Variants in NFATC3 observed in about 807,000 individuals in gnomAD.
NFATC3 encodes nuclear factor of activated T cells 3, also known as nuclear factor of activated T-cells, cytoplasmic 3.
NFATC3 carries 46 observed loss-of-function variants against 98.6 expected under a neutral mutation model. That is an observed-to-expected ratio of 0.47 (90% CI 0.37 to 0.60). NFATC3 has a LOEUF of 0.60. Ranked by LOEUF, NFATC3 falls within the 20% of genes least tolerant of loss-of-function variation. The pLI is 0.00. For synonymous variants in NFATC3, 512 were observed against 472.2 expected (o/e 1.08, Z -1.09); for missense variants, 1,256 against 1,295.5 (o/e 0.97, Z 0.47).
At chr16:68,174,898 T>A (rs1297250557) in intron 6 of NFATC3, among the ~76,000 whole-genome samples, 1 of 152,054 alleles carries the variant, frequency 6.6e-6, no homozygotes, top group Non-Finnish European at 1.5e-5. Context: ...AAAGTAGAAT[T>A]CCCCCAGCAA....
intron 1 of NFATC3, among the ~76,000 whole-genome samples, chr16:68,095,380 T>C (rs2034965104): frequency 7.7e-6 from 1 of 129,316 alleles, no homozygotes; most frequent in African/African-American, 3.1e-5. Context: ...TGAGACAGAG[T>C]CTCACTCTGT....
intron 1 of NFATC3, among the ~76,000 whole-genome samples, chr16:68,104,242 C>T (rs1311216088): frequency 6.6e-6 from 1 of 152,108 alleles, no homozygotes; most frequent in African/African-American, 2.4e-5. Flanking sequence ...GTAAGTTTTT[C>T]ATGTCCTTGG....
At chr16:68,201,830 T>C (rs1304731054) in intron 9 of NFATC3, among the ~76,000 whole-genome samples, 1 of 118,128 alleles carries the variant, frequency 8.5e-6, no homozygotes, top group Non-Finnish European at 1.9e-5. Flanking sequence ...CGATGGTGCA[T>C]GCCTGTAGTC....
At chr16:68,139,545 A>G (rs2037633453) in intron 3 of NFATC3, among the ~76,000 whole-genome samples, 1 of 152,220 alleles carries the variant, frequency 6.6e-6, no homozygotes, top group Admixed American at 6.5e-5. Context: ...AACATCAGTT[A>G]TAATGATCTT....
At chr16:68,217,680 C>T in intron 9 of NFATC3, 1 of 1,231,462 alleles carries the variant, frequency 8.1e-7, no homozygotes, top group Non-Finnish European at 1.0e-6. Context: ...ATCAAGATTC[C>T]TTTCAATTTG....
intron 4 of NFATC3, among the ~76,000 whole-genome samples, chr16:68,159,803 C>T (rs771054368): frequency 3.9e-5 from 6 of 151,940 alleles, no homozygotes; most frequent in East Asian, 2.0e-4. Context: ...TTCAGCTGGG[C>T]GCAGTGGCTC....
intron 3 of NFATC3, among the ~76,000 whole-genome samples, chr16:68,133,662 T>C (rs2037234199): frequency 6.6e-6 from 1 of 152,202 alleles, no homozygotes; most frequent in African/African-American, 2.4e-5. Flanking sequence ...TTCTTATTTC[T>C]GCATTTTATA....
At chr16:68,179,438 C>T (rs1191340150) in intron 6 of NFATC3, among the ~76,000 whole-genome samples, 1 of 152,226 alleles carries the variant, frequency 6.6e-6, no homozygotes, top group Non-Finnish European at 1.5e-5. Context: ...AGGTGTAGCA[C>T]TTGCCTGTAG....
At position 68,130,316 on chromosome 16, in the gene NFATC3, C is replaced by CT. The variant is rs544051793; in HGVS notation, c.1401+3713dup. Among the ~76,000 whole-genome samples, 98 of 152,062 alleles carry CT rather than the reference C, an allele frequency of 6.4e-4. 1 individual carries two copies. In the South Asian group the frequency reaches 7.7e-3, roughly 12 times the overall value. On this transcript the variant is annotated intron_variant, in intron 3 of 9. Coordinates refer to ENST00000346183, the MANE Select transcript of NFATC3 (RefSeq NM_173165.3). ...TCTCCTTATCCCAGCCAGAATTTTC[C>CT]TTTTTTTGCATTTTGATAAGTAGCC... is the stretch of plus-strand genomic sequence containing the variant.
intron 9 of NFATC3, among the ~76,000 whole-genome samples, chr16:68,213,611 T>C (rs1268904472): frequency 6.6e-6 from 1 of 152,116 alleles, no homozygotes; most frequent in African/African-American, 2.4e-5. Flanking sequence ...GCGGATAACC[T>C]GAGGCCAGGA....
chr16:68,214,251 C>G (rs1217159305), intron 9 of NFATC3: 2 of 1,033,266 alleles, frequency 1.9e-6, no homozygotes, highest in African/African-American at 3.2e-5. Flanking sequence ...AGAAAAAAAA[C>G]AGGCTGGGCA....
intron 9 of NFATC3, among the ~76,000 whole-genome samples, chr16:68,202,226 G>A (rs942858065): frequency 2.6e-5 from 4 of 152,074 alleles, no homozygotes; most frequent in Admixed American, 6.6e-5. Flanking sequence ...TGCAGGCTCT[G>A]TGCAGTAACA....
At chr16:68,202,832 T>TAATA (rs2040983649) in intron 9 of NFATC3, among the ~76,000 whole-genome samples, 1 of 149,690 alleles carries the variant, frequency 6.7e-6, no homozygotes, top group African/African-American at 2.5e-5. Context: ...AAATAAATAA[T>TAATA]AAAAAAAAAT....
At chr16:68,169,244 A>G (rs929643739) in intron 5 of NFATC3, among the ~76,000 whole-genome samples, 3 of 152,332 alleles carry the variant, frequency 2.0e-5, no homozygotes, top group African/African-American at 7.2e-5. Flanking sequence ...CCAGGTAAGC[A>G]TAGATCACTC....
At chr16:68,210,959 T>C (rs917498570) in intron 9 of NFATC3, among the ~76,000 whole-genome samples, 3 of 151,838 alleles carry the variant, frequency 2.0e-5, no homozygotes, top group Non-Finnish European at 4.4e-5. Flanking sequence ...TTTTTTTGTA[T>C]TTTTAGTAGA....
intron 3 of NFATC3, among the ~76,000 whole-genome samples, chr16:68,135,955 C>T (rs2037384018): frequency 6.6e-6 from 1 of 151,742 alleles, no homozygotes; most frequent in Non-Finnish European, 1.5e-5. Context: ...CCCAGCTACT[C>T]AGGAGGCTAA....
intron 8 of NFATC3, 130 bp downstream of exon 8, chr16:68,183,496 C>T (rs2040031257): frequency 1.1e-6 from 1 of 925,378 alleles, no homozygotes; most frequent in Middle Eastern, 3.4e-4. Flanking sequence ...CAGATGCCCA[C>T]TCTAAAGTTT....
chr16:68,141,086 C>T (rs1233497036), intron 3 of NFATC3, among the ~76,000 whole-genome samples: 1 of 152,152 alleles, frequency 6.6e-6, no homozygotes, highest in Non-Finnish European at 1.5e-5. Context: ...TGAGTTACTT[C>T]ACTTTGAATA....
In NFATC3 at chr16:68,193,248, G is replaced by A. The variant is rs199741662; in HGVS notation, c.3106+1473G>A. The stretch of plus-strand genomic sequence containing the variant: ...ACACTGTTTTATATAAGGGACTTGC[G>A]CATTCATGGATTTTGGTATGGGGGG... On this transcript the variant is annotated intron_variant, in intron 9 of 9. Transcript: ENST00000346183. 3.9e-5 allele frequency among the ~76,000 whole-genome samples: 6 copies of A among 152,158 alleles called. No homozygotes were observed. The East Asian group carries it at 5.8e-4, about 15-fold the overall frequency.
Sources: allele counts gnomAD v4.1 joint callset (sites outside exome capture counted in the v4.1 genomes callset), GRCh38; gene constraint gnomAD v4.1.1; transcripts MANE v1.5; gene names NCBI Gene and HGNC (gene_info 2026-07-23, HGNC 2026-07-21).